SRL: variants seen among roughly 807,000 people sequenced by gnomAD.
The protein encoded by SRL is sarcalumenin.
In SRL, 23 loss-of-function variants were observed where a neutral mutation model predicts 39.5. The observed-to-expected ratio is 0.58, with a 90% CI of 0.42 to 0.82. The LOEUF (loss-of-function observed/expected upper bound fraction) is 0.82. Ranked by LOEUF, SRL falls within the 40% of genes least tolerant of loss-of-function variation. The probability of loss-of-function intolerance (pLI) is 0.00; values close to 1 mark genes in which losing one functional copy is unlikely to be tolerated. For missense variants in SRL, 592 were observed against 607.8 expected (o/e 0.97, Z 0.27); for synonymous variants, 272 against 237.4 (o/e 1.15, Z -1.34).
At chr16:4,205,007 G>A (rs1042215267) in intron 1 of SRL, among the ~76,000 whole-genome samples, 9 of 152,186 alleles carry the variant, frequency 5.9e-5, no homozygotes, top group Non-Finnish European at 2.9e-5. Context: ...TAGTCCAGTG[G>A]AGTCAGAGAT....
intron 1 of SRL, among the ~76,000 whole-genome samples, chr16:4,232,314 T>C (rs1167111590): frequency 6.6e-6 from 1 of 152,196 alleles, no homozygotes; most frequent in African/African-American, 2.4e-5. Context: ...CTTGATCTCC[T>C]TGGGTAAGTG....
intron 1 of SRL, among the ~76,000 whole-genome samples, chr16:4,229,557 C>G (rs1479795019): frequency 6.6e-6 from 1 of 152,030 alleles, no homozygotes; most frequent in Non-Finnish European, 1.5e-5. Flanking sequence ...CATATTCTCA[C>G]TTATAAGTGG....
intron 3 of SRL, among the ~76,000 whole-genome samples, chr16:4,202,312 G>A (rs912370946): frequency 3.9e-5 from 6 of 152,306 alleles, no homozygotes; most frequent in East Asian, 1.9e-4. Flanking sequence ...GTTGGAGGTC[G>A]GCTGGGAGCG....
chr16:4,197,087 G>GTGTA (rs1442249679), intron 4 of SRL, among the ~76,000 whole-genome samples: 1 of 22,816 alleles, frequency 4.4e-5, no homozygotes, highest in Admixed American at 6.4e-4. Flanking sequence ...TTTTTTTTGT[G>GTGTA]AGACAGAGTC....
rs373798811 is a variant in SRL at position 4,228,729 on chromosome 16, C to T, written c.61+13278G>A. On this transcript the variant is annotated intron_variant, in intron 1 of 5. Coordinates refer to ENST00000399609, the MANE Select transcript of SRL (RefSeq NM_001098814.2). ...CAGCCTGGGTGACAGAGCAAGACTC[C>T]GTCTCAAAAAAAAAAGAAAAAAAGA... 8.0e-3 allele frequency among the ~76,000 whole-genome samples: 1,198 copies of T among 150,464 alleles called. 14 individuals are homozygous for T. Among genetic ancestry groups the T allele is most frequent in the African/African-American group, 0.028 (1,127 of 40,888 alleles).
At chr16:4,208,964 A>G (rs1373777455) in intron 1 of SRL, among the ~76,000 whole-genome samples, 1 of 152,082 alleles carries the variant, frequency 6.6e-6, no homozygotes, top group Non-Finnish European at 1.5e-5. Context: ...ATCAAGTTTA[A>G]TATGTTTGGA....
In SRL at chr16:4,218,194, C is replaced by T. The variant is rs537046838; in HGVS notation, c.62-13560G>A. Among the ~76,000 whole-genome samples, 6 of 152,286 alleles carry T rather than the reference C, an allele frequency of 3.9e-5. No individual in the cohort carries two copies. The South Asian group carries it at 8.3e-4, about 21-fold the overall frequency. ...CTCCCCTTTCCCCACCACGTCCCAT[C>T]CCTTCTGTCCAGTCACTGAAGTGAG... On this transcript the variant is annotated intron_variant, in intron 1 of 5. Coordinates refer to ENST00000399609, the MANE Select transcript of SRL (RefSeq NM_001098814.2).
At chr16:4,221,050 A>G (rs8058366) in intron 1 of SRL, among the ~76,000 whole-genome samples, 45,143 of 150,062 alleles carry the variant, frequency 0.3, 7,208 homozygotes, top group Middle Eastern at 0.48. Flanking sequence ...GGGCTATTCC[A>G]TTATTTTTTT....
intron 1 of SRL, among the ~76,000 whole-genome samples, chr16:4,229,952 C>G (rs911394268): frequency 1.3e-5 from 2 of 152,116 alleles, no homozygotes; most frequent in African/African-American, 4.8e-5. Flanking sequence ...ACAGAGTAAG[C>G]TGGTCCTGGG....
At chr16:4,205,179 G>C (rs7195486) in intron 1 of SRL, among the ~76,000 whole-genome samples, 34,348 of 151,880 alleles carry the variant, frequency 0.23, 4,073 homozygotes, top group African/African-American at 0.3. Flanking sequence ...ACTTTCCAAG[G>C]AGTGGTGCAC....
Position 4,212,121 on chromosome 16 carries a change from T to A in SRL, c.62-7487A>T, listed in dbSNP as rs1241973267. ...CCTGCGCCCTGGGCAGGAAGCAAGG[T>A]GTGTGCATATGTGTATGCACATTTA... On this transcript the variant is annotated intron_variant, in intron 1 of 5. Coordinates refer to ENST00000399609, the MANE Select transcript of SRL (RefSeq NM_001098814.2). Among the ~76,000 whole-genome samples, 6 of 152,310 alleles carry A rather than the reference T, an allele frequency of 3.9e-5. No homozygotes were observed. In the East Asian group the frequency reaches 1.2e-3, roughly 29 times the overall value.
At chr16:4,221,467 G>A (rs75694878) in intron 1 of SRL, among the ~76,000 whole-genome samples, 1 of 152,190 alleles carries the variant, frequency 6.6e-6, no homozygotes, top group African/African-American at 2.4e-5. Flanking sequence ...AGCAGGGCTA[G>A]AGCAAGTGTA....
At chr16:4,200,303 A>T (rs1463428533) in intron 3 of SRL, among the ~76,000 whole-genome samples, 1 of 152,204 alleles carries the variant, frequency 6.6e-6, no homozygotes, top group African/African-American at 2.4e-5. Flanking sequence ...ACAGTATCTT[A>T]ACACCGGCCC....
intron 1 of SRL, chr16:4,207,570 A>G (rs1044981257): frequency 2.2e-6 from 1 of 453,266 alleles, no homozygotes; most frequent in Admixed American, 2.4e-5. Context: ...TGTCCCTGCT[A>G]CTGCTCCCTG....
intron 1 of SRL, among the ~76,000 whole-genome samples, chr16:4,213,404 CTTTTTTTTT>C (rs1176583909): frequency 2.7e-4 from 19 of 69,582 alleles, no homozygotes; most frequent in African/African-American, 1.6e-3. Flanking sequence ...TTTTCTTTTT[CTTTTTTTTT>C]TTTTTTTTTT....
chr16:4,212,101 G>A lies in SRL; in HGVS notation c.62-7467C>T, dbSNP rs559899068. ...CACTGCTGTGTGTTTCCACTCCTGC[G>A]CCCTGGGCAGGAAGCAAGGTGTGTG... On this transcript the variant is annotated intron_variant, in intron 1 of 5. Coordinates refer to ENST00000399609, the MANE Select transcript of SRL (RefSeq NM_001098814.2). Among the ~76,000 whole-genome samples the A allele has an allele frequency of 2.2e-4, 34 of 152,230 alleles. No homozygotes were observed. The South Asian group carries it at 4.8e-3, about 21-fold the overall frequency.
Position 4,190,120 on chromosome 16 carries a change from C to T in SRL, c.*2033G>A, listed in dbSNP as rs946328336. ...CATTGTCCTGAGTGCCCTGGAACCT[C>T]GGGTGTTCTTGTGGAAGGGTCCAGG... On this transcript the variant is annotated 3_prime_UTR_variant, in exon 6 of 6. Transcript: ENST00000399609. 1.3e-5 allele frequency: 5 copies of T among 397,270 alleles called. No homozygotes were observed. In the Admixed American group the frequency reaches 1.8e-4, roughly 14 times the overall value. The allele number at this position is 397,270 out of a possible 1,614,324, so 24.6% of individuals were successfully genotyped here.
chr16:4,190,418 T>G lies in SRL; in HGVS notation c.*1735A>C, dbSNP rs1440909745. ...ACAGCTTGTTCCCAAGAGAAGCGGC[T>G]GGCTGTGTACAAAGGAGCCCCTCGA... On this transcript the variant is annotated 3_prime_UTR_variant, in exon 6 of 6. Coordinates refer to ENST00000399609, the MANE Select transcript of SRL (RefSeq NM_001098814.2). The G allele has an allele frequency of 5.0e-6, 2 of 398,822 alleles. No homozygotes were observed. Among genetic ancestry groups the G allele is most frequent in the East Asian group, 7.1e-5 (2 of 28,070 alleles). The allele number at this position is 398,822 out of a possible 1,614,324, so 24.7% of individuals were successfully genotyped here.
At position 4,204,567 on chromosome 16, in the gene SRL, C is replaced by T; in HGVS notation, c.129G>A (p.Met43Ile). Residue 43 changes from methionine to isoleucine, a missense_variant, in exon 2 of 6, where the codon ATG becomes ATA. By Grantham distance (10) the Met-to-Ile change is conservative. Transcript: ENST00000399609. Reference sequence around the variant, plus strand: ...CATCGGATGGCTTGTCCTCATTCAGCATGAGGGTCTTCTCGATGTGGGAGC... The same window carrying T: ...CATCGGATGGCTTGTCCTCATTCAGTATGAGGGTCTTCTCGATGTGGGAGC... ...RDRSHIEKTL[M>I]LNEDKPSDDY... 1.9e-6 allele frequency: 3 copies of T among 1,614,190 alleles called. No homozygotes were observed. The South Asian group carries it at 3.3e-5, about 18-fold the overall frequency.
Sources: allele counts gnomAD v4.1 joint callset (sites outside exome capture counted in the v4.1 genomes callset), GRCh38; gene constraint gnomAD v4.1.1; transcripts MANE v1.5; gene names NCBI Gene and HGNC (gene_info 2026-07-23, HGNC 2026-07-21).